The following C1orf159 variants were observed in gnomAD, a reference collection of about 807,000 sequenced individuals.
C1orf159 encodes the protein uncharacterized protein C1orf159.
A neutral mutation model predicts 25.6 loss-of-function variants in C1orf159; 19 were observed. The ratio of observed to expected loss-of-function variants is 0.74; its 90% CI spans 0.52 to 1.09. The LOEUF is 1.09. C1orf159 is among the 50% of genes least tolerant of loss of function. The probability of loss-of-function intolerance (pLI) is 0.00; values close to 1 mark genes in which losing one functional copy is unlikely to be tolerated. For synonymous variants in C1orf159, 139 were observed against 124.7 expected (o/e 1.12, Z -0.77); for missense variants, 274 against 290.6 (o/e 0.94, Z 0.42).
At chr1:1,091,250 A>T (rs1377643788) in intron 3 of C1orf159, 1 of 643,718 alleles carries the variant, frequency 1.6e-6, no homozygotes, top group East Asian at 2.7e-5. Flanking sequence ...GCCCCGCCTG[A>T]CCCAGCCATT....
intron 9 of C1orf159, 44 bp downstream of exon 9, chr1:1,084,309 C>G: frequency 6.6e-7 from 1 of 1,526,114 alleles, no homozygotes; most frequent in South Asian, 1.3e-5. Context: ...GGGACTGGCC[C>G]AGAGATGGGA....
intron 1 of C1orf159, among the ~76,000 whole-genome samples, chr1:1,103,559 C>T (rs1441277936): frequency 6.6e-6 from 1 of 152,228 alleles, no homozygotes; most frequent in South Asian, 2.1e-4. Context: ...CACTGCATGG[C>T]ACAGGGTGCA....
chr1:1,103,134 C>T (rs1570329026), intron 1 of C1orf159, among the ~76,000 whole-genome samples: 1 of 152,184 alleles, frequency 6.6e-6, no homozygotes, highest in Non-Finnish European at 1.5e-5. Flanking sequence ...TGAGCCACCA[C>T]GCCCAGCCAG....
intron 1 of C1orf159, among the ~76,000 whole-genome samples, chr1:1,095,837 T>C (rs1646002416): frequency 1.3e-5 from 2 of 152,046 alleles, no homozygotes; most frequent in Non-Finnish European, 2.9e-5. Context: ...ACTCAGGGAG[T>C]TTCCTTCTAT....
At position 1,087,300 on chromosome 1, in the gene C1orf159, G is replaced by C; in HGVS notation, c.245-96C>G. 1 of 1,333,716 alleles carries C rather than the reference G, an allele frequency of 7.5e-7. No homozygotes were observed. Among genetic ancestry groups the C allele is most frequent in the Middle Eastern group, 1.9e-4 (1 of 5,340 alleles). 82.6% of individuals were successfully genotyped at this position (1,333,716 alleles called of 1,614,324 possible). On this transcript the variant is annotated intron_variant, in intron 5 of 9. Transcript: ENST00000421241. The surrounding 1 kb of genome is among the most constrained non-coding windows in gnomAD (Gnocchi z 8.3). Reference sequence around the variant, plus strand: ...GGGATCTCAGGACGGAAATATGAAAGCGAGGGGCTGAGGGGGCGGAGCAGC... The same window carrying C: ...GGGATCTCAGGACGGAAATATGAAACCGAGGGGCTGAGGGGGCGGAGCAGC...
chr1:1,096,956 C>T (rs1334237474), intron 1 of C1orf159, among the ~76,000 whole-genome samples: 1 of 152,208 alleles, frequency 6.6e-6, no homozygotes, highest in Admixed American at 6.5e-5. Flanking sequence ...TGTTGCTGGT[C>T]TTGAACTCCT....
At chr1:1,099,550 GGAGA>G (rs1416458624) in intron 1 of C1orf159, among the ~76,000 whole-genome samples, 4 of 83,254 alleles carry the variant, frequency 4.8e-5, no homozygotes, top group Admixed American at 3.2e-4. Flanking sequence ...TCTAAGAAAT[GGAGA>G]GAGAGAGGTT....
chr1:1,090,266 C>T, intron 4 of C1orf159, 87 bp downstream of exon 4: 2 of 1,331,742 alleles, frequency 1.5e-6, no homozygotes, highest in Non-Finnish European at 2.1e-6. Context: ...TGAGCACTGT[C>T]CTTGTCACCG....
intron 1 of C1orf159, among the ~76,000 whole-genome samples, chr1:1,113,846 G>A (rs749332650): frequency 7.2e-5 from 11 of 152,066 alleles, no homozygotes; most frequent in East Asian, 1.9e-4. Flanking sequence ...CCCGCACAGC[G>A]GCTGCGGGCA....
intron 1 of C1orf159, among the ~76,000 whole-genome samples, chr1:1,097,762 A>G (rs1043031662): frequency 2.6e-5 from 4 of 151,770 alleles, no homozygotes; most frequent in African/African-American, 9.7e-5. Context: ...TTCTTAGTAG[A>G]GGTTTGTCAA....
At chr1:1,109,303 C>T (rs1646225951) in intron 1 of C1orf159, among the ~76,000 whole-genome samples, 4 of 152,222 alleles carry the variant, frequency 2.6e-5, no homozygotes, top group Admixed American at 2.0e-4. Context: ...TATGATTCTA[C>T]TCATGAGGTT....
chr1:1,099,660 T>C (rs1011313603), intron 1 of C1orf159, among the ~76,000 whole-genome samples: 18 of 103,406 alleles, frequency 1.7e-4, no homozygotes, highest in African/African-American at 3.8e-4. Context: ...TGACTATGAT[T>C]GTGGATTGTC....
chr1:1,087,450 T>C lies in C1orf159; in HGVS notation c.244+52A>G. 1.4e-6 allele frequency: 2 copies of C among 1,477,890 alleles called. No homozygotes were observed. Among genetic ancestry groups the C allele is most frequent in the Non-Finnish European group, 1.8e-6 (2 of 1,086,920 alleles). The allele number at this position is 1,477,890 out of a possible 1,614,324, so 91.5% of individuals were successfully genotyped here. ...CACAGACAGCAACTCCCACAGTGTC[T>C]CCCACAGCTGGAGCTGTGAGAAGGG... On this transcript the variant is annotated intron_variant, in intron 5 of 9. Transcript: ENST00000421241. This position sits in a 1 kb window ranked among gnomAD's most constrained non-coding sequence, Gnocchi z 8.3.
Position 1,087,844 on chromosome 1 carries a change from T to C in C1orf159, c.149-247A>G, listed in dbSNP as rs564662509. ...TACTCCGACCCCAAGTACTCCACGC[T>C]GCACTCTCCACGCCGAGCACCCCGG... On this transcript the variant is annotated intron_variant, in intron 4 of 9. Coordinates refer to ENST00000421241, the MANE Select transcript of C1orf159 (RefSeq NM_017891.5). The surrounding 1 kb of genome is among the most constrained non-coding windows in gnomAD (Gnocchi z 8.3). Among the ~76,000 whole-genome samples, 11 of 149,274 alleles carry C rather than the reference T, an allele frequency of 7.4e-5. No homozygotes were observed. Among genetic ancestry groups the C allele is most frequent in the Non-Finnish European group, 7.4e-5 (5 of 67,384 alleles).
intron 1 of C1orf159, chr1:1,092,334 T>C (rs1313243145): frequency 5.1e-6 from 1 of 196,874 alleles, no homozygotes; most frequent in South Asian, 6.8e-5. Context: ...CTCGCTGGGA[T>C]ACGGGCCCTC....
Position 1,083,981 on chromosome 1 carries a change from G to A in C1orf159, c.502+372C>T, listed in dbSNP as rs147871493. 1.6e-5 allele frequency: 26 copies of A among 1,604,768 alleles called. No individual in the cohort carries two copies. In the South Asian group the frequency reaches 1.7e-4, roughly 10 times the overall value. On this transcript the variant is annotated intron_variant, in intron 9 of 9. Transcript: ENST00000421241. Reference sequence around the variant, plus strand: ...CGATGGCTGCTCAGGAGGGCCTGGCGGAGGCCGGCTGCGTCTGTCCTCGGG... The same window carrying A: ...CGATGGCTGCTCAGGAGGGCCTGGCAGAGGCCGGCTGCGTCTGTCCTCGGG...
rs375518450 is a variant in C1orf159, at chr1:1,089,207, C to T, written c.148+1146G>A. 6.6e-5 allele frequency among the ~76,000 whole-genome samples: 10 copies of T among 152,282 alleles called. No homozygotes were observed. Among genetic ancestry groups the T allele is most frequent in the East Asian group, 5.8e-4 (3 of 5,184 alleles). On this transcript the variant is annotated intron_variant, in intron 4 of 9. Coordinates refer to ENST00000421241, the MANE Select transcript of C1orf159 (RefSeq NM_017891.5). The surrounding 1 kb of genome is among the most constrained non-coding windows in gnomAD (Gnocchi z 7.5). ...CCCACCCTGCGCCTGTGCATGGGGC[C>T]ACCTCGGCCCTTGGACTTCACGACC...
chr1:1,082,550 C>T lies in C1orf159; in HGVS notation c.*343G>A. On this transcript the variant is annotated 3_prime_UTR_variant, in exon 10 of 10. Coordinates refer to ENST00000421241, the MANE Select transcript of C1orf159 (RefSeq NM_017891.5). ...GAGCCCCTGGCTTTTCTAGGCAGAGCGGCACCTGCCCCATAGATCGTGCCA... is the reference window on the plus strand; with the variant it reads ...GAGCCCCTGGCTTTTCTAGGCAGAGTGGCACCTGCCCCATAGATCGTGCCA... 5.7e-6 allele frequency: 2 copies of T among 351,094 alleles called. No individual in the cohort carries two copies. Among genetic ancestry groups the T allele is most frequent in the East Asian group, 7.5e-5 (1 of 13,246 alleles). The allele number at this position is 351,094 out of a possible 1,614,324, so 21.7% of individuals were successfully genotyped here.
chr1:1,084,234 G>A (rs568250437), intron 9 of C1orf159, 119 bp downstream of exon 9: 89 of 1,520,376 alleles, frequency 5.9e-5, no homozygotes, highest in East Asian at 4.5e-4. Context: ...CTGGGGACCC[G>A]GGCAGGGGTG....
Sources: allele counts gnomAD v4.1 joint callset (sites outside exome capture counted in the v4.1 genomes callset), GRCh38; gene constraint gnomAD v4.1.1; non-coding constraint Gnocchi (gnomAD v3.1); transcripts MANE v1.5; gene names NCBI Gene and HGNC (gene_info 2026-07-23, HGNC 2026-07-21).